FHIT: variants seen among roughly 807,000 people sequenced by gnomAD.
The protein encoded by FHIT is fragile histidine triad diadenosine triphosphatase.
In FHIT, 19 loss-of-function variants were observed where a neutral mutation model predicts 17.9. The ratio of observed to expected loss-of-function variants is 1.06; its 90% CI spans 0.74 to 1.56. FHIT has a LOEUF of 1.56. Among genes scored for constraint, FHIT ranks in the 40% most tolerant of loss-of-function variants. The pLI is 0.00. For synonymous variants in FHIT, 81 were observed against 69.7 expected (o/e 1.16, Z -0.81); for missense variants, 248 against 189.2 (o/e 1.31, Z -1.82).
In FHIT at chr3:59,861,578, T is replaced by A. The variant is rs571602398; in HGVS notation, c.348+60768A>T. ...ATCACTAACTAAAAATATTCCCTCC[T>A]TGATAATGCACAGATAAGGTCTCTG... On this transcript the variant is annotated intron_variant, in intron 8 of 9. Coordinates refer to ENST00000492590, the MANE Select transcript of FHIT (RefSeq NM_002012.4). Among the ~76,000 whole-genome samples, 236 of 152,288 alleles carry A rather than the reference T, an allele frequency of 1.5e-3. 2 individuals carry two copies. Among genetic ancestry groups the A allele is most frequent in the African/African-American group, 5.1e-3 (212 of 41,570 alleles).
chr3:60,033,319 A>G (rs1169967808), intron 5 of FHIT, among the ~76,000 whole-genome samples: 1 of 152,084 alleles, frequency 6.6e-6, no homozygotes, highest in Admixed American at 6.5e-5. Context: ...AACATGGAGA[A>G]ACCCCGTCTC....
At chr3:60,076,212 C>T (rs1435919688) in intron 5 of FHIT, among the ~76,000 whole-genome samples, 1 of 151,946 alleles carries the variant, frequency 6.6e-6, no homozygotes, top group African/African-American at 2.4e-5. Flanking sequence ...AAAGCTCTTC[C>T]CTTTTCCACA....
intron 1 of FHIT, among the ~76,000 whole-genome samples, chr3:61,217,720 C>G (rs1299750384): frequency 6.6e-6 from 1 of 152,046 alleles, no homozygotes; most frequent in South Asian, 2.1e-4. Flanking sequence ...ATACAATCTG[C>G]CACAACATTC....
At chr3:60,342,471 C>G (rs940704090) in intron 5 of FHIT, among the ~76,000 whole-genome samples, 1 of 152,114 alleles carries the variant, frequency 6.6e-6, no homozygotes, top group African/African-American at 2.4e-5. Context: ...ATAAAATTTA[C>G]CATTTTAATG....
At chr3:60,997,099 T>C in intron 3 of FHIT, among the ~76,000 whole-genome samples, 1 of 150,788 alleles carries the variant, frequency 6.6e-6, no homozygotes, top group Admixed American at 6.6e-5. Context: ...TGGGAACTCT[T>C]TGGTCTGTTG....
chr3:60,548,239 G>C lies in FHIT; in HGVS notation c.-17-11260C>G, dbSNP rs201929844. On this transcript the variant is annotated intron_variant, in intron 4 of 9. Transcript: ENST00000492590. ...ATAAGACTTCAGGGCCCTGATTTGG[G>C]AAATACTGAATTAATAACAACTCTG... Among the ~76,000 whole-genome samples the C allele has an allele frequency of 2.0e-4, 31 of 152,110 alleles. 1 individual carries two copies. In the East Asian group the frequency reaches 5.6e-3, roughly 28 times the overall value.
At chr3:60,737,825 G>C (rs1407043326) in intron 4 of FHIT, among the ~76,000 whole-genome samples, 2 of 152,184 alleles carry the variant, frequency 1.3e-5, no homozygotes, top group Non-Finnish European at 2.9e-5. Flanking sequence ...TAAGTACACA[G>C]TTGCTTTCTC....
chr3:60,683,171 G>A (rs915293521), intron 4 of FHIT, among the ~76,000 whole-genome samples: 2 of 152,158 alleles, frequency 1.3e-5, no homozygotes, highest in African/African-American at 4.8e-5. Context: ...TATGAACATC[G>A]TTGAAATGAC....
Position 60,611,847 on chromosome 3 carries a change from T to C in FHIT, c.-17-74868A>G, listed in dbSNP as rs373724529. On this transcript the variant is annotated intron_variant, in intron 4 of 9. Coordinates refer to ENST00000492590, the MANE Select transcript of FHIT (RefSeq NM_002012.4). ...ACTTGTTCTACCCACATGTCACAGA[T>C]ATGGAGGTTAGTGAAAACTACCTGT... Among the ~76,000 whole-genome samples the C allele has an allele frequency of 2.6e-3, 397 of 152,288 alleles. 2 individuals are homozygous for C. Among genetic ancestry groups the C allele is most frequent in the African/African-American group, 9.2e-3 (382 of 41,560 alleles).
chr3:60,202,057 G>A (rs1702938456), intron 5 of FHIT, among the ~76,000 whole-genome samples: 1 of 152,172 alleles, frequency 6.6e-6, no homozygotes, highest in African/African-American at 2.4e-5. Flanking sequence ...TCTGTAGACT[G>A]TTTTGACTTT....
intron 5 of FHIT, among the ~76,000 whole-genome samples, chr3:60,200,778 C>T (rs556581180): frequency 2.0e-5 from 3 of 152,168 alleles, no homozygotes; most frequent in Admixed American, 6.5e-5. Flanking sequence ...TGATGATATT[C>T]GGTTAAAAAT....
intron 4 of FHIT, among the ~76,000 whole-genome samples, chr3:60,622,742 G>C (rs1175982504): frequency 6.6e-6 from 1 of 152,160 alleles, no homozygotes; most frequent in Admixed American, 6.5e-5. Context: ...TCTAGAGAAA[G>C]CATGCCTGCT....
chr3:60,268,851 A>C (rs1706718787), intron 5 of FHIT, among the ~76,000 whole-genome samples: 1 of 152,160 alleles, frequency 6.6e-6, no homozygotes, highest in Admixed American at 6.5e-5. Flanking sequence ...TGGATTATCT[A>C]GGTGGGCCCA....
intron 5 of FHIT, among the ~76,000 whole-genome samples, chr3:60,297,394 G>A (rs1417688117): frequency 1.3e-5 from 2 of 152,042 alleles, no homozygotes; most frequent in African/African-American, 4.8e-5. Context: ...TTGTGTGTGT[G>A]TAAAAGGTGC....
At chr3:59,956,408 G>A (rs184702280) in intron 7 of FHIT, among the ~76,000 whole-genome samples, 11 of 152,306 alleles carry the variant, frequency 7.2e-5, no homozygotes, top group Non-Finnish European at 1.0e-4. Context: ...GGTGGCTCAC[G>A]CCTATAATCT....
chr3:60,102,679 T>C (rs1704242551), intron 5 of FHIT, among the ~76,000 whole-genome samples: 1 of 151,834 alleles, frequency 6.6e-6, no homozygotes, highest in African/African-American at 2.4e-5. Context: ...ACAATCAAGG[T>C]CACCCATGTC....
chr3:59,814,653 C>T (rs1211512165), intron 8 of FHIT, among the ~76,000 whole-genome samples: 1 of 152,166 alleles, frequency 6.6e-6, no homozygotes, highest in East Asian at 1.9e-4. Context: ...CTAGGCCACA[C>T]AGCTTTTAAA....
intron 5 of FHIT, among the ~76,000 whole-genome samples, chr3:60,113,390 CA>C (rs1221171306): frequency 1.3e-5 from 2 of 150,624 alleles, no homozygotes; most frequent in Admixed American, 1.3e-4. Flanking sequence ...GCCAGCTTAG[CA>C]GTTTATTTAA....
At chr3:60,655,410 G>T (rs2040091693) in intron 4 of FHIT, among the ~76,000 whole-genome samples, 1 of 152,200 alleles carries the variant, frequency 6.6e-6, no homozygotes. Context: ...GAGCCTGTAT[G>T]AAATGCTGTC....
Sources: allele counts gnomAD v4.1 joint callset (sites outside exome capture counted in the v4.1 genomes callset), GRCh38; gene constraint gnomAD v4.1.1; transcripts MANE v1.5; gene names NCBI Gene and HGNC (gene_info 2026-07-23, HGNC 2026-07-21).